STRIP1: variants seen among roughly 807,000 people sequenced by gnomAD.
The protein encoded by STRIP1 is striatin interacting protein 1.
A neutral mutation model predicts 106.2 loss-of-function variants in STRIP1; 63 were observed. The observed-to-expected ratio is 0.59, with a 90% CI of 0.48 to 0.73. STRIP1 has a LOEUF of 0.73. Ranked by LOEUF, STRIP1 falls within the 30% of genes least tolerant of loss-of-function variation. STRIP1 has a pLI of 0.00. For missense variants in STRIP1, 857 were observed against 1,074.8 expected (o/e 0.80, Z 2.83); for synonymous variants, 390 against 413.0 (o/e 0.94, Z 0.67).
At chr1:110,040,495 T>G in intron 5 of STRIP1, 140 bp from the exon 6 acceptor site, 1 of 744,504 alleles carries the variant, frequency 1.3e-6, no homozygotes, top group Non-Finnish European at 2.1e-6. Context: ...GTCTGGTTTC[T>G]TAACCACCGT....
chr1:110,043,482 G>T (rs1652872901), intron 9 of STRIP1, among the ~76,000 whole-genome samples, 157 bp from the exon 10 acceptor site: 1 of 152,230 alleles, frequency 6.6e-6, no homozygotes, highest in African/African-American at 2.4e-5. Flanking sequence ...GGAGCAAGAA[G>T]TAGTTGATGG....
chr1:110,042,600 G>A (rs1652815579), intron 8 of STRIP1, among the ~76,000 whole-genome samples: 2 of 152,230 alleles, frequency 1.3e-5, no homozygotes, highest in African/African-American at 4.8e-5. Flanking sequence ...GAATTGCTCA[G>A]AAACAGTAAA....
At chr1:110,044,987 T>G (rs1308782463) in intron 11 of STRIP1, 28 bp from the exon 12 acceptor site, 1 of 1,613,780 alleles carries the variant, frequency 6.2e-7, no homozygotes, top group Non-Finnish European at 8.5e-7. Context: ...ATGTCGAGGC[T>G]CAACACAGGG....
Position 110,044,981 on chromosome 1 carries a change from C to T in STRIP1, c.1353-34C>T, listed in dbSNP as rs780812064. ...TTTGGGATCCCAGGTGATTTGATGT[C>T]GAGGCTCAACACAGGGCCTTCTTTA... On this transcript the variant is annotated intron_variant, in intron 11 of 20. Transcript: ENST00000369795. 1.1e-5 allele frequency: 18 copies of T among 1,613,348 alleles called. No homozygotes were observed. In the Admixed American group the frequency reaches 2.3e-4, roughly 21 times the overall value.
upstream of STRIP1, among the ~76,000 whole-genome samples, chr1:110,034,186 TC>T (rs1652320008): frequency 1.3e-5 from 2 of 152,230 alleles, no homozygotes; most frequent in African/African-American, 2.4e-5. Context: ...CCTCATTTTA[TC>T]CCACTGCTTG....
Position 110,049,109 on chromosome 1 carries a change from C to T in STRIP1, c.1662-3C>T. On this transcript the variant is annotated splice_region_variant and splice_polypyrimidine_tract_variant and intron_variant, in intron 15 of 20. Coordinates refer to ENST00000369795, the MANE Select transcript of STRIP1 (RefSeq NM_033088.4). ...TGGCTTACCCAGGCAATTATGTTTC[C>T]AGCACCACAGTGTTGCAGAGCATGA... 1.9e-6 allele frequency: 3 copies of T among 1,614,156 alleles called. No homozygotes were observed. The South Asian group carries it at 3.3e-5, about 18-fold the overall frequency.
upstream of STRIP1, among the ~76,000 whole-genome samples, chr1:110,033,258 C>T (rs768496919): frequency 9.2e-5 from 14 of 151,422 alleles, no homozygotes; most frequent in Non-Finnish European, 1.5e-4. Context: ...ACCTTTTAAC[C>T]TCTCAATTTT....
rs1250262724 is a variant in STRIP1 at position 110,043,724 on chromosome 1, A to G, written c.1154A>G (p.Asn385Ser). Residue 385 changes from asparagine (N) to serine (S), a missense_variant, in exon 10 of 21, where the codon AAT becomes AGT. Asn to Ser is a conservative substitution (Grantham distance 46). Transcript: ENST00000369795. ...ADDSREEEEE[N>S]DDDNSLEGET... ...GACTCTCGAGAAGAGGAAGAGGAGA[A>G]TGATGATGACAACAGTCTGGAGGGG... is the stretch of plus-strand genomic sequence containing the variant. 3.7e-6 allele frequency: 6 copies of G among 1,614,070 alleles called. No individual in the cohort carries two copies. In the Admixed American group the frequency reaches 1.0e-4, roughly 27 times the overall value.
At chr1:110,047,696 C>T in intron 14 of STRIP1, 76 bp from the exon 15 acceptor site, 1 of 1,537,746 alleles carries the variant, frequency 6.5e-7, no homozygotes, top group Non-Finnish European at 8.9e-7. Flanking sequence ...ACCTGCAGAC[C>T]AACAGGAGGA....
chr1:110,052,988 C>T (rs767631665), intron 20 of STRIP1, among the ~76,000 whole-genome samples: 12 of 152,228 alleles, frequency 7.9e-5, no homozygotes, highest in Non-Finnish European at 1.5e-4. Flanking sequence ...GAGGCTCCCT[C>T]GTCCTTTTTC....
chr1:110,045,188 G>T, intron 12 of STRIP1, 110 bp downstream of exon 12: 1 of 933,636 alleles, frequency 1.1e-6, no homozygotes, highest in Non-Finnish European at 1.7e-6. Flanking sequence ...AAGAACCTGG[G>T]GTAGAGGCCG....
intron 12 of STRIP1, 64 bp from the exon 13 acceptor site, chr1:110,046,616 G>T (rs1360065874): frequency 1.4e-6 from 2 of 1,426,550 alleles, no homozygotes; most frequent in Non-Finnish European, 9.9e-7. Context: ...GATTTTGCTA[G>T]AGTGCAGGGA....
intron 12 of STRIP1, chr1:110,045,368 T>C: frequency 2.6e-6 from 1 of 385,414 alleles, no homozygotes; most frequent in Non-Finnish European, 4.8e-6. Flanking sequence ...TCCCAGCTAC[T>C]CAAGAGGTTG....
chr1:110,036,614 A>AGTGAAT (rs773450597), intron 1 of STRIP1, among the ~76,000 whole-genome samples: 2 of 152,224 alleles, frequency 1.3e-5, no homozygotes, highest in Non-Finnish European at 2.9e-5. Flanking sequence ...GAGCCTGATC[A>AGTGAAT]GTGAATGCCT....
At chr1:110,039,927 C>T in intron 5 of STRIP1, 1 of 1,291,116 alleles carries the variant, frequency 7.7e-7, no homozygotes, top group Non-Finnish European at 1.0e-6. Flanking sequence ...TCACCTTTGT[C>T]CAGTGGACAG....
At chr1:110,051,643 TTG>T in intron 19 of STRIP1, 38 bp from the exon 20 acceptor site, 2 of 1,551,122 alleles carry the variant, frequency 1.3e-6, no homozygotes, top group Non-Finnish European at 1.7e-6. Flanking sequence ...GCATTTATTT[TTG>T]TCTTCAACTT....
chr1:110,048,999 T>TGG, intron 15 of STRIP1, 113 bp from the exon 16 acceptor site: 4 of 1,246,508 alleles, frequency 3.2e-6, no homozygotes, highest in Non-Finnish European at 3.4e-6. Context: ...TTGGGGTGAG[T>TGG]GGGGAGGTAG....
At position 110,037,814 on chromosome 1, in the gene STRIP1, A is replaced by G. The variant is rs533194677; in HGVS notation, c.181-77A>G. ...TGGAGGCAGTGGTGTCCTGTAACAC[A>G]ACAGCATCTCGAAGCATGAGTTTCT... is the stretch of plus-strand genomic sequence containing the variant. On this transcript the variant is annotated intron_variant, in intron 1 of 20. Coordinates refer to ENST00000369795, the MANE Select transcript of STRIP1 (RefSeq NM_033088.4). The G allele has an allele frequency of 2.0e-4, 203 of 1,037,234 alleles. 1 individual carries two copies. The East Asian group carries it at 4.7e-3, about 24-fold the overall frequency. 64.3% of individuals were successfully genotyped at this position (1,037,234 alleles called of 1,614,324 possible). A position where few individuals can be genotyped will look rare whatever the true frequency, so the allele number is the denominator to read the frequency against.
chr1:110,039,889 G>C (rs1411460696), intron 5 of STRIP1: 2 of 1,295,164 alleles, frequency 1.5e-6, no homozygotes, highest in African/African-American at 3.0e-5. Flanking sequence ...TGACATATGG[G>C]CTCAACCAGT....
Sources: allele counts gnomAD v4.1 joint callset (sites outside exome capture counted in the v4.1 genomes callset), GRCh38; gene constraint gnomAD v4.1.1; transcripts MANE v1.5; gene names NCBI Gene and HGNC (gene_info 2026-07-23, HGNC 2026-07-21).